Variants in PDE11A observed in about 807,000 individuals in gnomAD.
The protein encoded by PDE11A is dual 3',5'-cyclic-AMP and -GMP phosphodiesterase 11A.
A neutral mutation model predicts 100.5 loss-of-function variants in PDE11A; 100 were observed. The observed-to-expected ratio is 1.00, with a 90% CI of 0.85 to 1.18. The LOEUF is 1.18. Among genes scored for constraint, PDE11A ranks in the 50% most tolerant of loss-of-function variants. PDE11A has a pLI of 0.00. For missense variants in PDE11A, 1,141 were observed against 1,152.6 expected, an observed-to-expected ratio of 0.99 and a Z score of 0.15; for synonymous variants, 381 against 420.8, an observed-to-expected ratio of 0.91 and a Z score of 1.16.
chr2:178,052,161 G>A (rs2086837076), intron 1 of PDE11A, among the ~76,000 whole-genome samples: 2 of 152,226 alleles, frequency 1.3e-5, no homozygotes, highest in East Asian at 1.9e-4. Context: ...ATAACAAACT[G>A]TCTCTCAGAC....
chr2:177,648,217 TC>T (rs1559125299), intron 19 of PDE11A, among the ~76,000 whole-genome samples: 1 of 152,154 alleles, frequency 6.6e-6, no homozygotes, highest in Non-Finnish European at 1.5e-5. Flanking sequence ...TAGCTGGCCT[TC>T]TCTTTGTCCT....
chr2:178,078,988 A>G (rs1484802279), intron 2 of PDE11A, among the ~76,000 whole-genome samples: 2 of 152,212 alleles, frequency 1.3e-5, no homozygotes, highest in African/African-American at 4.8e-5. Flanking sequence ...CAGACAAGGA[A>G]TTCTATTTTC....
At chr2:177,931,342 A>T (rs2085203259) in intron 2 of PDE11A, among the ~76,000 whole-genome samples, 1 of 152,214 alleles carries the variant, frequency 6.6e-6, no homozygotes, top group Non-Finnish European at 1.5e-5. Flanking sequence ...GAGCTAATTA[A>T]CATATGCATT....
intron 17 of PDE11A, among the ~76,000 whole-genome samples, chr2:177,671,662 T>C (rs558462156): frequency 1.6e-4 from 25 of 152,100 alleles, no homozygotes; most frequent in Non-Finnish European, 2.8e-4. Flanking sequence ...AGCTTTCCGA[T>C]GGAAACATTA....
intron 10 of PDE11A, among the ~76,000 whole-genome samples, chr2:177,768,901 T>C (rs1263260530): frequency 2.6e-5 from 4 of 152,220 alleles, no homozygotes; most frequent in African/African-American, 9.7e-5. Flanking sequence ...CGCTTGGTAG[T>C]GTGTCTGGCA....
intron 2 of PDE11A, among the ~76,000 whole-genome samples, chr2:177,929,010 T>TA (rs71010831): frequency 0.086 from 13,128 of 152,038 alleles, 537 homozygotes; most frequent in South Asian, 0.099. Flanking sequence ...GGGGGATGAT[T>TA]AAAAAAAATG....
intron 5 of PDE11A, among the ~76,000 whole-genome samples, chr2:177,871,747 C>T (rs1340907354): frequency 6.6e-6 from 1 of 151,546 alleles, no homozygotes; most frequent in Non-Finnish European, 1.5e-5. Flanking sequence ...GCAGTCCTAG[C>T]TAATTGGGAG....
In PDE11A at chr2:177,631,322, A is replaced by AAAAAC. The variant is rs1469522170; in HGVS notation, c.2647-1761_2647-1760insGTTTT. Among the ~76,000 whole-genome samples, 45 of 16,872 alleles carry AAAAAC rather than the reference A, an allele frequency of 2.7e-3. 2 individuals are homozygous for AAAAAC. Among genetic ancestry groups the AAAAAC allele is most frequent in the East Asian group, 0.019 (3 of 158 alleles). 11.1% of individuals were successfully genotyped at this position (16,872 alleles called of 152,430 possible). A position where few individuals can be genotyped will look rare whatever the true frequency, so the allele number is the denominator to read the frequency against. On this transcript the variant is annotated intron_variant, in intron 19 of 19. Transcript: ENST00000286063. ...AAAAAAAAAAAAAACAAAAAAAAAAACAACCTAGGCGTGGTGGCACATGCC... is the reference window on the plus strand; with the variant it reads ...AAAAAAAAAAAAAACAAAAAAAAAAAAAAACCAACCTAGGCGTGGTGGCACATGCC...
At chr2:177,815,425 T>G (rs1380000622) in intron 9 of PDE11A, among the ~76,000 whole-genome samples, 1 of 152,208 alleles carries the variant, frequency 6.6e-6, no homozygotes, top group Non-Finnish European at 1.5e-5. Flanking sequence ...TACTTATAGT[T>G]CACTCATTTA....
At chr2:177,761,953 AGTTCATCT>A (rs998099179) in intron 10 of PDE11A, among the ~76,000 whole-genome samples, 1 of 152,206 alleles carries the variant, frequency 6.6e-6, no homozygotes. Flanking sequence ...CCAACAGAAG[AGTTCATCT>A]GTTCATCTGT....
intron 9 of PDE11A, among the ~76,000 whole-genome samples, chr2:177,772,164 T>G (rs2082320683): frequency 6.6e-6 from 1 of 152,168 alleles, no homozygotes; most frequent in African/African-American, 2.4e-5. Flanking sequence ...TTCTCAATCC[T>G]TTTTTATCTT....
At chr2:177,998,395 T>C in intron 2 of PDE11A, 1 of 864,502 alleles carries the variant, frequency 1.2e-6, no homozygotes, top group Non-Finnish European at 2.0e-6. Flanking sequence ...CCATCCATGT[T>C]AAATATACTC....
At chr2:177,754,338 A>G (rs1389110391) in intron 10 of PDE11A, among the ~76,000 whole-genome samples, 1 of 152,230 alleles carries the variant, frequency 6.6e-6, no homozygotes, top group Admixed American at 6.5e-5. Context: ...AATACTGCAG[A>G]CAAAAAAAAT....
chr2:177,647,103 C>T, intron 19 of PDE11A, among the ~76,000 whole-genome samples: 1 of 152,316 alleles, frequency 6.6e-6, no homozygotes, highest in Non-Finnish European at 1.5e-5. Context: ...GAACATGTAA[C>T]TAAAAAGCAG....
intron 2 of PDE11A, among the ~76,000 whole-genome samples, chr2:178,013,483 C>T (rs140869986): frequency 2.4e-4 from 37 of 152,250 alleles, no homozygotes; most frequent in African/African-American, 7.9e-4. Flanking sequence ...AGAACATTTG[C>T]ATTAATTTAA....
chr2:177,851,787 G>T (rs965756263), intron 5 of PDE11A, among the ~76,000 whole-genome samples: 44 of 151,992 alleles, frequency 2.9e-4, no homozygotes, highest in Admixed American at 2.9e-3. Context: ...GGGCATGCAG[G>T]TTTGTTACAT....
intron 2 of PDE11A, among the ~76,000 whole-genome samples, chr2:178,005,802 A>G (rs919540698): frequency 2.0e-5 from 3 of 152,224 alleles, no homozygotes; most frequent in African/African-American, 4.8e-5. Flanking sequence ...TAACAGCCCT[A>G]TAACTTACTA....
chr2:177,861,804 C>A (rs2083950462), intron 5 of PDE11A, among the ~76,000 whole-genome samples: 2 of 151,786 alleles, frequency 1.3e-5, no homozygotes, highest in Admixed American at 1.3e-4. Context: ...GGTGGCAAGA[C>A]AAATAAATTG....
At chr2:177,874,425 G>C (rs1038626105) in intron 5 of PDE11A, among the ~76,000 whole-genome samples, 1 of 152,202 alleles carries the variant, frequency 6.6e-6, no homozygotes, top group Admixed American at 6.5e-5. Context: ...AGTGCTTTAC[G>C]ATTCTTTCTC....
Sources: gnomAD v4.1 joint callset for allele counts (sites outside exome capture counted in the v4.1 genomes callset) on GRCh38, gnomAD v4.1.1 for gene constraint, MANE v1.5 for transcripts, NCBI Gene and HGNC (gene_info 2026-07-23, HGNC 2026-07-21) for gene names.